The following PTPRT variants were observed in gnomAD, a reference collection of about 807,000 sequenced individuals.
The protein encoded by PTPRT is protein tyrosine phosphatase receptor type T, also known as receptor-type tyrosine-protein phosphatase T.
Under a neutral mutation model 176.8 loss-of-function variants are expected in PTPRT, and 56 were observed. That is an observed-to-expected ratio of 0.32 (90% confidence interval 0.26 to 0.40). The LOEUF (loss-of-function observed/expected upper bound fraction) is 0.40, where lower values mean the gene tolerates loss of function less well. PTPRT is among the 10% of genes least tolerant of loss of function. The pLI, the probability that PTPRT is intolerant of heterozygous loss-of-function variation, is 1.00. For synonymous variants in PTPRT, 783 were observed against 739.0 expected (o/e 1.06, Z -0.96); for missense variants, 1,540 against 1,908.2 (o/e 0.81, Z 3.60).
intron 11 of PTPRT, among the ~76,000 whole-genome samples, chr20:42,338,927 T>G (rs1363371633): frequency 2.6e-5 from 4 of 152,160 alleles, no homozygotes; most frequent in African/African-American, 9.7e-5. Context: ...CAAATTCAGA[T>G]TTGCTGACTA....
chr20:42,701,114 G>T (rs777057692), intron 6 of PTPRT, among the ~76,000 whole-genome samples: 1 of 152,026 alleles, frequency 6.6e-6, no homozygotes, highest in Non-Finnish European at 1.5e-5. Flanking sequence ...TGAATCTTTC[G>T]GTGTATTTTA....
chr20:42,098,338 G>T, intron 27 of PTPRT, 83 bp downstream of exon 27: 2 of 1,554,548 alleles, frequency 1.3e-6, no homozygotes, highest in South Asian at 1.2e-5. Flanking sequence ...GATGTGGCAG[G>T]CACCGGCTGT....
At chr20:42,445,209 G>A (rs1057400234) in intron 9 of PTPRT, among the ~76,000 whole-genome samples, 3 of 152,090 alleles carry the variant, frequency 2.0e-5, no homozygotes, top group South Asian at 4.1e-4. Context: ...TATGAACTTG[G>A]TCTTTTCATT....
At chr20:42,624,005 C>CAAAAAAAAAAAAAAAAAAACA (rs1159094345) in intron 7 of PTPRT, among the ~76,000 whole-genome samples, 120 of 135,706 alleles carry the variant, frequency 8.8e-4, no homozygotes, top group African/African-American at 3.4e-3. Context: ...AAAACAATAG[C>CAAAAAAAAAAAAAAAAAAACA]AACAAACAAA....
At chr20:42,359,286 G>A (rs144846885) in intron 9 of PTPRT, among the ~76,000 whole-genome samples, 1 of 152,280 alleles carries the variant, frequency 6.6e-6, no homozygotes, top group East Asian at 1.9e-4. Context: ...TCATGCAGAT[G>A]ACAAATACAA....
At chr20:42,516,508 A>G (rs1236525859) in intron 7 of PTPRT, among the ~76,000 whole-genome samples, 4 of 152,142 alleles carry the variant, frequency 2.6e-5, no homozygotes, top group Non-Finnish European at 5.9e-5. Flanking sequence ...GTATAGGTTT[A>G]TATTACATGA....
At chr20:42,552,402 C>T (rs2072785486) in intron 7 of PTPRT, among the ~76,000 whole-genome samples, 1 of 152,078 alleles carries the variant, frequency 6.6e-6, no homozygotes, top group African/African-American at 2.4e-5. Flanking sequence ...TTACATTATT[C>T]AATAGTCTTG....
chr20:42,389,727 T>G (rs996138395), intron 9 of PTPRT, among the ~76,000 whole-genome samples: 6 of 151,766 alleles, frequency 4.0e-5, no homozygotes, highest in African/African-American at 1.5e-4. Context: ...TGGTGGTACA[T>G]GCTTGTAGTC....
intron 13 of PTPRT, among the ~76,000 whole-genome samples, chr20:42,277,061 C>A (rs889182902): frequency 6.6e-6 from 1 of 152,148 alleles, no homozygotes; most frequent in Non-Finnish European, 1.5e-5. Flanking sequence ...GCGCCCAAAC[C>A]TCTTGCTGTC....
intron 1 of PTPRT, among the ~76,000 whole-genome samples, chr20:43,077,354 G>C (rs1182978887): frequency 6.6e-6 from 1 of 152,196 alleles, no homozygotes; most frequent in Non-Finnish European, 1.5e-5. Flanking sequence ...GGATGAAGCT[G>C]AATCCAAGTG....
At chr20:43,065,662 C>T (rs1201186259) in intron 1 of PTPRT, among the ~76,000 whole-genome samples, 1 of 152,118 alleles carries the variant, frequency 6.6e-6, no homozygotes, top group Non-Finnish European at 1.5e-5. Context: ...TGTACACCAG[C>T]CAGAGGTTCA....
intron 1 of PTPRT, among the ~76,000 whole-genome samples, chr20:43,083,351 T>TATATATACATATATATATATATATATAC (rs2011510773): frequency 2.6e-5 from 3 of 114,318 alleles, no homozygotes; most frequent in African/African-American, 1.0e-4. Context: ...TATATATATA[T>TATATATACATATATATATATATATATAC]ATATATATAT....
At chr20:43,146,451 C>A (rs1389732370) in intron 1 of PTPRT, among the ~76,000 whole-genome samples, 1 of 152,002 alleles carries the variant, frequency 6.6e-6, no homozygotes, top group Admixed American at 6.6e-5. Context: ...TTCAGAATAA[C>A]CACAGTTAGC....
chr20:42,900,433 C>CAA (rs1442735179), intron 1 of PTPRT, among the ~76,000 whole-genome samples: 1 of 152,150 alleles, frequency 6.6e-6, no homozygotes, highest in Non-Finnish European at 1.5e-5. Context: ...TATGAATGCC[C>CAA]AAGTCCTGTC....
Position 42,076,918 on chromosome 20 carries a change from T to A in PTPRT, c.*3961A>T, listed in dbSNP as rs562867105. ...TGTTCCACTCTAGTCTCTTCTGTTA[T>A]GGGTAACCTCCTGGGAAAAATGTGA... On this transcript the variant is annotated 3_prime_UTR_variant, in exon 31 of 31. Coordinates refer to ENST00000373187, the MANE Select transcript of PTPRT (RefSeq NM_007050.6). 5.1e-6 allele frequency: 1 copy of A among 197,768 alleles called. No homozygotes were observed. The allele number at this position is 197,768 out of a possible 1,614,324, so 12.3% of individuals were successfully genotyped here.
At chr20:42,493,645 C>T (rs746485688) in intron 7 of PTPRT, among the ~76,000 whole-genome samples, 2 of 152,042 alleles carry the variant, frequency 1.3e-5, no homozygotes, top group African/African-American at 2.4e-5. Flanking sequence ...CACACTGAAC[C>T]GGGGACTTTA....
chr20:42,899,008 G>A (rs2079353406), intron 1 of PTPRT, among the ~76,000 whole-genome samples: 1 of 152,184 alleles, frequency 6.6e-6, no homozygotes, highest in Non-Finnish European at 1.5e-5. Flanking sequence ...CAGCATGGGA[G>A]CAGATGCAGG....
intron 1 of PTPRT, among the ~76,000 whole-genome samples, chr20:43,173,638 T>C (rs1459696454): frequency 6.6e-6 from 1 of 152,178 alleles, no homozygotes; most frequent in Admixed American, 6.5e-5. Flanking sequence ...AAGTCCACAG[T>C]GTGGGGTGAT....
chr20:43,038,627 AG>A (rs1357125065), intron 1 of PTPRT, among the ~76,000 whole-genome samples: 1 of 152,192 alleles, frequency 6.6e-6, no homozygotes, highest in Non-Finnish European at 1.5e-5. Flanking sequence ...AAAATAAAAG[AG>A]CTATAAGCAT....
Sources: allele counts gnomAD v4.1 joint callset (sites outside exome capture counted in the v4.1 genomes callset), GRCh38; gene constraint gnomAD v4.1.1; transcripts MANE v1.5; gene names NCBI Gene and HGNC (gene_info 2026-07-23, HGNC 2026-07-21).